CALB1: variants seen among roughly 807,000 people sequenced by gnomAD.
CALB1 encodes the protein calbindin.
A neutral mutation model predicts 46.7 loss-of-function variants in CALB1; 16 were observed. The ratio of observed to expected loss-of-function variants is 0.34; its 90% CI spans 0.23 to 0.52. CALB1 has a LOEUF of 0.52. Among genes scored for constraint, CALB1 ranks in the 20% least tolerant of loss-of-function variants. The probability of loss-of-function intolerance (pLI) is 0.95; values close to 1 mark genes in which losing one functional copy is unlikely to be tolerated. For missense variants in CALB1, 224 were observed against 300.3 expected (o/e 0.75, Z 1.88); for synonymous variants, 90 against 112.8 (o/e 0.80, Z 1.28).
chr8:90,082,460 C>T (rs1814749731), intron 1 of CALB1, 159 bp downstream of exon 1: 4 of 663,462 alleles, frequency 6.0e-6, no homozygotes, highest in Non-Finnish European at 1.1e-5. Flanking sequence ...GACAGTTTGG[C>T]GGCCAGTCGG....
chr8:90,067,122 T>G (rs1422832884), intron 5 of CALB1, among the ~76,000 whole-genome samples: 1 of 152,100 alleles, frequency 6.6e-6, no homozygotes, highest in African/African-American at 2.4e-5. Context: ...TGTCAGAGAT[T>G]AATTGGGTTA....
chr8:90,082,491 A>C, intron 1 of CALB1, 128 bp downstream of exon 1: 1 of 774,588 alleles, frequency 1.3e-6, no homozygotes, highest in East Asian at 2.6e-5. Flanking sequence ...AGATAAGATT[A>C]GGCAGAAGGG....
In CALB1 at chr8:90,059,049, A is replaced by AGAT. The variant is rs1053248327; in HGVS notation, c.*1121_*1123dup. 2.6e-5 allele frequency: 4 copies of AGAT among 152,226 alleles called. No homozygotes were observed. Among genetic ancestry groups the AGAT allele is most frequent in the Non-Finnish European group, 5.9e-5 (4 of 68,034 alleles). 9.4% of individuals were successfully genotyped at this position (152,226 alleles called of 1,614,324 possible). ...AAGAATGTTTTAGAATCTTCTTGCT[A>AGAT]GATAAGATAAATGATTACATTAGCA... On this transcript the variant is annotated 3_prime_UTR_variant, in exon 11 of 11. Transcript: ENST00000265431.
chr8:90,078,006 A>T (rs1239340508), intron 3 of CALB1, among the ~76,000 whole-genome samples: 1 of 152,104 alleles, frequency 6.6e-6, no homozygotes, highest in Non-Finnish European at 1.5e-5. Flanking sequence ...CCATGTGCTT[A>T]GACACTGTAT....
Position 90,063,414 on chromosome 8 carries a change from C to T in CALB1, c.498G>A (p.Glu166=). ...ATGGTTCCTAAACTCACCTGGCCAT[C>T]TCAGTTAATTCCAGCTTCCCATCAT... ...SNNDGKLELT[E]MARLLPVQEN... Residue 166 remains glutamate, a synonymous_variant, in exon 7 of 11, where the codon GAG becomes GAA. Coordinates refer to ENST00000265431, the MANE Select transcript of CALB1 (RefSeq NM_004929.4). 1.2e-6 allele frequency: 2 copies of T among 1,610,798 alleles called. No homozygotes were observed. Among genetic ancestry groups the T allele is most frequent in the Non-Finnish European group, 1.7e-6 (2 of 1,177,742 alleles).
intron 3 of CALB1, among the ~76,000 whole-genome samples, chr8:90,077,657 A>T (rs1814645135): frequency 6.6e-6 from 1 of 152,182 alleles, no homozygotes; most frequent in Middle Eastern, 3.4e-3. Context: ...CAAATCTGAG[A>T]ATGCAGAAGA....
chr8:90,082,252 C>G (rs532276742), intron 1 of CALB1, 150 bp from the exon 2 acceptor site: 1 of 666,944 alleles, frequency 1.5e-6, no homozygotes, highest in Non-Finnish European at 2.6e-6. Flanking sequence ...GACGGTGAAG[C>G]GCTCCCCTCC....
rs372793776 is a variant in CALB1, at chr8:90,082,828, G to A, written c.-131C>T. The A allele has an allele frequency of 3.7e-6, 3 of 810,440 alleles. No homozygotes were observed. Among genetic ancestry groups the A allele is most frequent in the Non-Finnish European group, 6.5e-6 (3 of 464,210 alleles). The allele number at this position is 810,440 out of a possible 1,614,324, so 50.2% of individuals were successfully genotyped here. On this transcript the variant is annotated 5_prime_UTR_variant, in exon 1 of 11. Coordinates refer to ENST00000265431, the MANE Select transcript of CALB1 (RefSeq NM_004929.4). ...GGAGACCTGGGCGCGGGCGCTGCCG[G>A]GCGCTGTCCTCGGTGCTGCTCAGCT... is the stretch of plus-strand genomic sequence containing the variant.
At chr8:90,069,974 CTTTTTTT>C (rs200651134) in intron 3 of CALB1, among the ~76,000 whole-genome samples, 2 of 140,508 alleles carry the variant, frequency 1.4e-5, no homozygotes, top group Non-Finnish European at 1.6e-5. Flanking sequence ...ATCCTCCTCT[CTTTTTTT>C]TTTTTTTGGA....
chr8:90,076,290 G>A (rs1814621408), intron 3 of CALB1, among the ~76,000 whole-genome samples: 1 of 151,936 alleles, frequency 6.6e-6, no homozygotes, highest in Admixed American at 6.6e-5. Context: ...TCCTTTTAAT[G>A]CAGAAAATGT....
chr8:90,063,310 C>T lies in CALB1; in HGVS notation c.517G>A (p.Val173Met), dbSNP rs747411609. The change falls in exon 8 of 11, where the codon GTG becomes ATG. Residue 173 changes from valine to methionine, a missense_variant. By Grantham distance (21) the Val-to-Met change is conservative. Coordinates refer to ENST00000265431, the MANE Select transcript of CALB1 (RefSeq NM_004929.4). Reference sequence around the variant, plus strand: ...AATTTAAGAAGAAAATTCTCCTGCACTGGTAGTAACCTTTTGAGAGAAAAA... The same window carrying T: ...AATTTAAGAAGAAAATTCTCCTGCATTGGTAGTAACCTTTTGAGAGAAAAA... ...ELTEMARLLP[V>M]QENFLLKFQG... The T allele has an allele frequency of 1.3e-6, 2 of 1,592,438 alleles. No homozygotes were observed. Among genetic ancestry groups the T allele is most frequent in the East Asian group, 4.5e-5 (2 of 44,602 alleles).
intron 10 of CALB1, 144 bp from the exon 11 acceptor site, chr8:90,060,430 A>G (rs1814275096): frequency 1.4e-6 from 1 of 713,686 alleles, no homozygotes; most frequent in East Asian, 2.6e-5. Context: ...ACAAATGTGA[A>G]TAATCACAAG....
intron 3 of CALB1, among the ~76,000 whole-genome samples, chr8:90,073,079 GT>G (rs1357243782): frequency 6.6e-6 from 1 of 152,110 alleles, no homozygotes; most frequent in Non-Finnish European, 1.5e-5. Context: ...CTTATTTACT[GT>G]TTTGTGGCCC....
chr8:90,068,744 A>G (rs920080975), intron 5 of CALB1, among the ~76,000 whole-genome samples: 8 of 152,230 alleles, frequency 5.3e-5, no homozygotes, highest in African/African-American at 1.4e-4. Flanking sequence ...CTATAATTCT[A>G]TCTGTCTGTC....
chr8:90,070,691 C>T (rs1359870466), intron 3 of CALB1, among the ~76,000 whole-genome samples: 2 of 152,052 alleles, frequency 1.3e-5, no homozygotes, highest in Admixed American at 6.5e-5. Context: ...AGTTATAAAA[C>T]ATTTTCTTAT....
chr8:90,081,426 G>C, intron 2 of CALB1: 1 of 964,196 alleles, frequency 1.0e-6, no homozygotes, highest in Non-Finnish European at 1.2e-6. Flanking sequence ...CCTTAGTGAG[G>C]ACAAGATGTT....
At chr8:90,070,547 C>T (rs1814493602) in intron 3 of CALB1, among the ~76,000 whole-genome samples, 2 of 152,080 alleles carry the variant, frequency 1.3e-5, no homozygotes, top group Non-Finnish European at 2.9e-5. Context: ...CCTGTGTATG[C>T]CCTTTAGCTT....
intron 3 of CALB1, among the ~76,000 whole-genome samples, chr8:90,070,933 TC>T (rs1381948107): frequency 2.0e-5 from 3 of 151,964 alleles, no homozygotes; most frequent in Non-Finnish European, 4.4e-5. Context: ...ACCTTTGCAT[TC>T]TTTCAATTCC....
intron 2 of CALB1, chr8:90,081,572 A>G (rs1306909209): frequency 1.9e-6 from 1 of 523,494 alleles, no homozygotes; most frequent in African/African-American, 2.1e-5. Flanking sequence ...CTCACACAGT[A>G]AAAGAGAATT....
Sources: allele counts gnomAD v4.1 joint callset (sites outside exome capture counted in the v4.1 genomes callset), GRCh38; gene constraint gnomAD v4.1.1; transcripts MANE v1.5; gene names NCBI Gene and HGNC (gene_info 2026-07-23, HGNC 2026-07-21).